The following ABCC6 variants were observed in gnomAD, a reference collection of about 807,000 sequenced individuals.
ABCC6 encodes the protein ATP binding cassette subfamily C member 6.
In ABCC6, 126 loss-of-function variants were observed where a neutral mutation model predicts 169.5. That is an observed-to-expected ratio of 0.74 (90% CI 0.64 to 0.86). The LOEUF (loss-of-function observed/expected upper bound fraction) is 0.86, where lower values mean the gene tolerates loss of function less well. Among genes scored for constraint, ABCC6 ranks in the 40% least tolerant of loss-of-function variants. ABCC6 has a pLI of 0.00. For synonymous variants in ABCC6, 752 were observed against 814.7 expected, an observed-to-expected ratio of 0.92 and a Z score of 1.31; for missense variants, 1,733 against 1,927.2, an observed-to-expected ratio of 0.90 and a Z score of 1.89.
chr16:16,169,321 T>C (rs749832359), intron 22 of ABCC6, among the ~76,000 whole-genome samples: 6 of 152,124 alleles, frequency 3.9e-5, no homozygotes, highest in African/African-American at 1.4e-4. Flanking sequence ...ATAGCGGTGA[T>C]GCATTTGTTA....
chr16:16,185,227 C>T (rs1052902731), intron 14 of ABCC6, among the ~76,000 whole-genome samples, 193 bp from the exon 15 acceptor site: 1 of 152,188 alleles, frequency 6.6e-6, no homozygotes, highest in African/African-American at 2.4e-5. Context: ...CTGTCCGTGT[C>T]CCATGGCTAC....
intron 27 of ABCC6, among the ~76,000 whole-genome samples, chr16:16,155,976 T>C (rs868810751): frequency 1.3e-5 from 2 of 152,172 alleles, no homozygotes; most frequent in African/African-American, 4.8e-5. Flanking sequence ...AGTGCAGTGG[T>C]GCGATCTCAG....
intron 4 of ABCC6, among the ~76,000 whole-genome samples, chr16:16,218,084 G>C (rs986931463): frequency 2.6e-5 from 4 of 152,106 alleles, no homozygotes; most frequent in Non-Finnish European, 4.4e-5. Context: ...GCAAGACTCT[G>C]TCTCAGAATG....
Position 16,218,729 on chromosome 16 carries a change from C to G in ABCC6, c.474+825G>C, listed in dbSNP as rs371939889. Among the ~76,000 whole-genome samples the G allele has an allele frequency of 0.011, 39 of 3,528 alleles. 7 individuals carry two copies. The East Asian group carries it at 0.13, about 12-fold the overall frequency. The allele number at this position is 3,528 out of a possible 152,430, so 2.3% of individuals were successfully genotyped here. On this transcript the variant is annotated intron_variant, in intron 4 of 30. Transcript: ENST00000205557. ...CTAATAGAGAAACGCTGCTTCCGGC[C>G]GAATGACAAGAGCTCACGCCTGTAA...
At chr16:16,174,891 G>T (rs894346006) in intron 20 of ABCC6, among the ~76,000 whole-genome samples, 5 of 150,742 alleles carry the variant, frequency 3.3e-5, no homozygotes, top group Non-Finnish European at 7.4e-5. Flanking sequence ...CTCCCGAGTA[G>T]CTGGGACTAC....
In ABCC6 at chr16:16,193,208, C is replaced by T. The variant is rs574459076; in HGVS notation, c.1339-286G>A. Among the ~76,000 whole-genome samples, 19 of 152,312 alleles carry T rather than the reference C, an allele frequency of 1.2e-4. No homozygotes were observed. The South Asian group carries it at 3.9e-3, about 32-fold the overall frequency. Reference sequence around the variant, plus strand: ...TACGAGAGTGACCTCCCGTCATCCTCACTGCTACACTCCACCAGCGCCATG... The same window carrying T: ...TACGAGAGTGACCTCCCGTCATCCTTACTGCTACACTCCACCAGCGCCATG... On this transcript the variant is annotated intron_variant, in intron 10 of 30. Coordinates refer to ENST00000205557, the MANE Select transcript of ABCC6 (RefSeq NM_001171.6).
chr16:16,208,923 G>A (rs1407180988), intron 6 of ABCC6, 64 bp from the exon 7 acceptor site: 2 of 1,613,012 alleles, frequency 1.2e-6, no homozygotes, highest in East Asian at 2.2e-5. Flanking sequence ...TCCTGGCCAG[G>A]CGAGTAGCTG....
At chr16:16,158,581 T>C (rs1343897908) in intron 26 of ABCC6, among the ~76,000 whole-genome samples, 1 of 152,258 alleles carries the variant, frequency 6.6e-6, no homozygotes, top group Non-Finnish European at 1.5e-5. Context: ...GTTACTGTAA[T>C]GTTACTGTTA....
At chr16:16,169,960 G>A (rs2047005372) in intron 21 of ABCC6, 107 bp from the exon 22 acceptor site, 2 of 1,153,510 alleles carry the variant, frequency 1.7e-6, no homozygotes, top group Admixed American at 2.0e-5. Flanking sequence ...TGGCAGATGG[G>A]ACCACCACGC....
At position 16,173,294 on chromosome 16, in the gene ABCC6, T is replaced by C. The variant is rs1308502353; in HGVS notation, c.2777A>G (p.Gln926Arg). The C allele has an allele frequency of 8.7e-6, 14 of 1,613,844 alleles. No homozygotes were observed. Among genetic ancestry groups the C allele is most frequent in the Non-Finnish European group, 1.2e-5 (14 of 1,180,020 alleles). ...GAAGCTGGTGGTTACCCTGCCGTAT[T>C]GGATGCTGTCCTTTCCTGCTGGCCA... ...AGWPAGKDSI[Q>R]YGRVKATVHL... Residue 926 changes from glutamine (Q) to arginine (R), a missense_variant, in exon 21 of 31, where the codon CAA becomes CGA. By Grantham distance (43) the Gln-to-Arg change is conservative. Coordinates refer to ENST00000205557, the MANE Select transcript of ABCC6 (RefSeq NM_001171.6).
intron 17 of ABCC6, among the ~76,000 whole-genome samples, chr16:16,180,257 G>T (rs957579162): frequency 2.6e-5 from 4 of 152,170 alleles, no homozygotes; most frequent in African/African-American, 9.7e-5. Flanking sequence ...TCCATGGCCC[G>T]GGGGTTGGGG....
intron 10 of ABCC6, among the ~76,000 whole-genome samples, chr16:16,194,069 C>T (rs1339145459): frequency 6.6e-6 from 1 of 152,184 alleles, no homozygotes; most frequent in African/African-American, 2.4e-5. Context: ...GGGGGTGTTC[C>T]CAGCCACAAC....
chr16:16,168,212 C>A (rs187298276), intron 22 of ABCC6, among the ~76,000 whole-genome samples: 37 of 152,236 alleles, frequency 2.4e-4, no homozygotes, highest in Non-Finnish European at 7.3e-5. Flanking sequence ...TGAAGCCAGG[C>A]CGGGCGTGGT....
At chr16:16,206,804 C>T (rs562527691) in intron 7 of ABCC6, among the ~76,000 whole-genome samples, 1 of 152,248 alleles carries the variant, frequency 6.6e-6, no homozygotes, top group South Asian at 2.1e-4. Context: ...TCCAGAGCCC[C>T]TGTGGACTGG....
chr16:16,153,926 A>T (rs1004426920), intron 29 of ABCC6, among the ~76,000 whole-genome samples: 2 of 151,882 alleles, frequency 1.3e-5, no homozygotes, highest in African/African-American at 2.4e-5. Context: ...AAAAAAAAAA[A>T]AAAGGTTGAG....
At chr16:16,162,589 G>T (rs923389889) in intron 24 of ABCC6, among the ~76,000 whole-genome samples, 1 of 152,208 alleles carries the variant, frequency 6.6e-6, no homozygotes, top group Non-Finnish European at 1.5e-5. Flanking sequence ...ATGAGGCTCA[G>T]AGAGGTTATG....
intron 17 of ABCC6, among the ~76,000 whole-genome samples, chr16:16,179,439 T>C (rs183007105): frequency 2.0e-5 from 3 of 152,322 alleles, no homozygotes; most frequent in South Asian, 4.1e-4. Context: ...TGTAGGGCAG[T>C]GGTCCCCAGC....
At chr16:16,152,978 C>T (rs1252090371) in intron 29 of ABCC6, among the ~76,000 whole-genome samples, 2 of 151,870 alleles carry the variant, frequency 1.3e-5, no homozygotes, top group African/African-American at 2.4e-5. Context: ...CTCACTGAAA[C>T]CTCTGCCTCC....
intron 22 of ABCC6, 72 bp downstream of exon 22, chr16:16,169,574 G>T (rs1475911040): frequency 5.2e-6 from 8 of 1,545,984 alleles, no homozygotes; most frequent in Non-Finnish European, 7.1e-6. Flanking sequence ...AGGGAGGGGT[G>T]GGGTAAAGGA....
Sources: allele counts gnomAD v4.1 joint callset (sites outside exome capture counted in the v4.1 genomes callset), GRCh38; gene constraint gnomAD v4.1.1; transcripts MANE v1.5; gene names NCBI Gene and HGNC (gene_info 2026-07-23, HGNC 2026-07-21).